Variants in LRP1B observed in about 807,000 individuals in gnomAD.
LRP1B encodes the protein LDL receptor related protein 1B, also known as low-density lipoprotein receptor-related protein 1B.
Under a neutral mutation model 556.6 loss-of-function variants are expected in LRP1B, and 217 were observed. That is an observed-to-expected ratio of 0.39 (90% confidence interval 0.35 to 0.44). The LOEUF (loss-of-function observed/expected upper bound fraction) is 0.44. Ranked by LOEUF, LRP1B falls within the 20% of genes least tolerant of loss-of-function variation. The pLI, the probability that LRP1B is intolerant of heterozygous loss-of-function variation, is 1.00. For missense variants in LRP1B, 5,053 were observed against 5,620.8 expected (o/e 0.90, Z 3.23); for synonymous variants, 2,047 against 1,865.8 (o/e 1.10, Z -2.50).
chr2:141,314,187 G>A (rs1179012485), intron 3 of LRP1B, among the ~76,000 whole-genome samples: 1 of 152,068 alleles, frequency 6.6e-6, no homozygotes, highest in Non-Finnish European at 1.5e-5. Context: ...GCAAATTAGG[G>A]TTTAAAGATA....
chr2:141,536,179 G>A (rs1198330415), intron 2 of LRP1B, among the ~76,000 whole-genome samples: 1 of 151,996 alleles, frequency 6.6e-6, no homozygotes, highest in Non-Finnish European at 1.5e-5. Flanking sequence ...AAATAAGAAA[G>A]ACTATTTCAT....
chr2:141,517,260 ACG>A (rs1491192768), intron 2 of LRP1B, among the ~76,000 whole-genome samples: 39 of 13,856 alleles, frequency 2.8e-3, no homozygotes, highest in African/African-American at 6.3e-3. Context: ...GGACAAGAAT[ACG>A]CACACACACA....
At chr2:141,552,934 T>C (rs1373691339) in intron 2 of LRP1B, among the ~76,000 whole-genome samples, 1 of 151,832 alleles carries the variant, frequency 6.6e-6, no homozygotes, top group Non-Finnish European at 1.5e-5. Context: ...CTACGTTATA[T>C]GAGAAACATT....
intron 3 of LRP1B, among the ~76,000 whole-genome samples, chr2:141,446,815 C>G (rs781466048): frequency 6.6e-6 from 1 of 152,164 alleles, no homozygotes; most frequent in East Asian, 1.9e-4. Flanking sequence ...TTGTGGGTAA[C>G]GCAACCTTTC....
intron 43 of LRP1B, among the ~76,000 whole-genome samples, chr2:140,545,527 A>G (rs1319283859): frequency 1.3e-5 from 2 of 152,124 alleles, no homozygotes; most frequent in Non-Finnish European, 2.9e-5. Context: ...TCCCAGCACC[A>G]TTTATTGAAT....
chr2:142,093,004 G>A (rs148349415), intron 1 of LRP1B, among the ~76,000 whole-genome samples: 12 of 152,144 alleles, frequency 7.9e-5, no homozygotes, highest in East Asian at 1.9e-4. Context: ...TAGACCCTGC[G>A]TGATCTCCCA....
chr2:140,352,886 C>CA, intron 76 of LRP1B, 67 bp downstream of exon 76: 1 of 1,463,336 alleles, frequency 6.8e-7, no homozygotes, highest in Non-Finnish European at 9.3e-7. Context: ...AAATATAAAA[C>CA]ATTTTTCTCC....
chr2:140,375,011 T>C (rs1304325162), intron 68 of LRP1B, among the ~76,000 whole-genome samples: 1 of 152,158 alleles, frequency 6.6e-6, no homozygotes, highest in African/African-American at 2.4e-5. Context: ...TGCCATTTAC[T>C]ACTTGAAGAA....
At chr2:140,730,016 C>G (rs1352882383) in intron 35 of LRP1B, among the ~76,000 whole-genome samples, 3 of 152,178 alleles carry the variant, frequency 2.0e-5, no homozygotes, top group African/African-American at 7.2e-5. Context: ...AACTAAAGAT[C>G]TGAGAGGTAT....
At chr2:141,287,657 A>G (rs1685771206) in intron 3 of LRP1B, among the ~76,000 whole-genome samples, 1 of 152,174 alleles carries the variant, frequency 6.6e-6, no homozygotes, top group South Asian at 2.1e-4. Flanking sequence ...CAAATATTGA[A>G]GTTGTCATTG....
At chr2:141,933,325 A>G (rs928436204) in intron 1 of LRP1B, among the ~76,000 whole-genome samples, 10 of 152,132 alleles carry the variant, frequency 6.6e-5, no homozygotes, top group Non-Finnish European at 1.5e-4. Flanking sequence ...ACAGTTAAGA[A>G]ATACTCTGAG....
chr2:141,312,333 T>A (rs982119701), intron 3 of LRP1B, among the ~76,000 whole-genome samples: 1 of 152,220 alleles, frequency 6.6e-6, no homozygotes, highest in Admixed American at 6.5e-5. Context: ...ATGTTAAACA[T>A]ATTTTTTCTT....
chr2:141,750,645 A>G (rs1694074855), intron 2 of LRP1B, among the ~76,000 whole-genome samples: 1 of 152,162 alleles, frequency 6.6e-6, no homozygotes, highest in Non-Finnish European at 1.5e-5. Context: ...GATTATAATG[A>G]ATAAAGCAAT....
In LRP1B at chr2:140,457,448, G is replaced by T. The variant is rs2105323573; in HGVS notation, c.9814+15C>A. 1 of 1,571,178 alleles carries T rather than the reference G, an allele frequency of 6.4e-7. No individual in the cohort carries two copies. The highest frequency in any genetic ancestry group is 8.7e-7 in the Non-Finnish European group (1 of 1,143,536). On this transcript the variant is annotated intron_variant, in intron 61 of 90. Transcript: ENST00000389484. ...ATGTTAATGCATTTATGGAAATCAT[G>T]GAAAGAATAATTACCATCAGGTTGT...
intron 43 of LRP1B, among the ~76,000 whole-genome samples, chr2:140,592,565 A>G (rs1682270843): frequency 6.6e-6 from 1 of 152,144 alleles, no homozygotes; most frequent in African/African-American, 2.4e-5. Context: ...TCTGGGCATC[A>G]AAACTTATTC....
chr2:141,296,906 T>G (rs1433188394), intron 3 of LRP1B, among the ~76,000 whole-genome samples: 1 of 152,178 alleles, frequency 6.6e-6, no homozygotes, highest in Admixed American at 6.5e-5. Flanking sequence ...CCCATCTTAA[T>G]GACTACTGTA....
chr2:141,211,023 C>A (rs144578139), intron 6 of LRP1B, among the ~76,000 whole-genome samples: 1 of 152,010 alleles, frequency 6.6e-6, no homozygotes, highest in Non-Finnish European at 1.5e-5. Context: ...AGTCTCGCTC[C>A]GTCACCCAGG....
chr2:141,608,000 G>A (rs1425878030), intron 2 of LRP1B, among the ~76,000 whole-genome samples: 7 of 152,076 alleles, frequency 4.6e-5, no homozygotes, highest in Admixed American at 2.6e-4. Context: ...CAAGGTGGGC[G>A]GATCACCTGA....
intron 43 of LRP1B, among the ~76,000 whole-genome samples, chr2:140,547,408 C>G (rs945244028): frequency 2.0e-5 from 3 of 152,000 alleles, no homozygotes; most frequent in Non-Finnish European, 4.4e-5. Context: ...AGGAATTAAT[C>G]TATTTATTCT....
Sources: gnomAD v4.1 joint callset for allele counts (sites outside exome capture counted in the v4.1 genomes callset) on GRCh38, gnomAD v4.1.1 for gene constraint, MANE v1.5 for transcripts, NCBI Gene and HGNC (gene_info 2026-07-23, HGNC 2026-07-21) for gene names.